Variants in DHX40 observed in about 807,000 individuals in gnomAD.
DHX40 encodes probable ATP-dependent RNA helicase DHX40.
Under a neutral mutation model 89.6 loss-of-function variants are expected in DHX40, and 28 were observed. The observed-to-expected ratio is 0.31, with a 90% CI of 0.23 to 0.43. The LOEUF is 0.43. DHX40 is among the 20% of genes least tolerant of loss of function. The probability of loss-of-function intolerance (pLI) is 1.00; values close to 1 mark genes in which losing one functional copy is unlikely to be tolerated. For missense variants in DHX40, 457 were observed against 844.0 expected, an observed-to-expected ratio of 0.54 and a Z score of 5.68; for synonymous variants, 226 against 283.6, an observed-to-expected ratio of 0.80 and a Z score of 2.04.
intron 14 of DHX40, among the ~76,000 whole-genome samples, chr17:59,600,171 C>T (rs1038824373): frequency 2.0e-5 from 3 of 152,112 alleles, no homozygotes; most frequent in African/African-American, 2.4e-5. Context: ...CCCTCCTGCC[C>T]CACCAACCCA....
intron 15 of DHX40, chr17:59,604,070 T>A (rs554885412): frequency 3.3e-5 from 5 of 152,288 alleles, no homozygotes; most frequent in Admixed American, 2.6e-4. Context: ...TTACATCCTT[T>A]TGCTATAAAG....
At position 59,602,738 on chromosome 17, in the gene DHX40, T is replaced by TTACAGTGACGAGGGAGAGC. The variant is rs939306147; in HGVS notation, c.1901+143_1901+161dup. 123 of 850,520 alleles carry TTACAGTGACGAGGGAGAGC rather than the reference T, an allele frequency of 1.4e-4. 1 individual carries two copies. Among genetic ancestry groups the TTACAGTGACGAGGGAGAGC allele is most frequent in the African/African-American group, 1.4e-3 (82 of 58,288 alleles). The allele number at this position is 850,520 out of a possible 1,614,324, so 52.7% of individuals were successfully genotyped here. A position where few individuals can be genotyped will look rare whatever the true frequency, so the allele number is the denominator to read the frequency against. On this transcript the variant is annotated intron_variant, in intron 15 of 17. Coordinates refer to ENST00000251241, the MANE Select transcript of DHX40 (RefSeq NM_024612.5). ...AGCTCTGTGATGATTATGACATGAA[T>TTACAGTGACGAGGGAGAGC]TACAGTGACGAGGGAGAGCTACAGT...
At chr17:59,581,157 A>C (rs892630514) in intron 10 of DHX40, among the ~76,000 whole-genome samples, 1 of 146,680 alleles carries the variant, frequency 6.8e-6, no homozygotes, top group Non-Finnish European at 1.5e-5. Context: ...GCATCATACT[A>C]TATACCATGA....
At chr17:59,566,583 A>C in intron 1 of DHX40, 44 bp from the exon 2 acceptor site, 1 of 1,523,354 alleles carries the variant, frequency 6.6e-7, no homozygotes, top group African/African-American at 1.4e-5. Context: ...AGTCAGAGAT[A>C]TCTTTACAAG....
At position 59,565,615 on chromosome 17, in the gene DHX40, T is replaced by A. The variant is rs568736245; in HGVS notation, c.-57T>A. 1.3e-6 allele frequency: 2 copies of A among 1,500,726 alleles called. No homozygotes were observed. Among genetic ancestry groups the A allele is most frequent in the Admixed American group, 1.9e-5 (1 of 52,944 alleles). The allele number at this position is 1,500,726 out of a possible 1,614,324, so 93.0% of individuals were successfully genotyped here. On this transcript the variant is annotated 5_prime_UTR_variant, in exon 1 of 18. Transcript: ENST00000251241. ...CGTCATCAGGGCGCGTCCTCGTCTT[T>A]CCCCTCCCATCTCCTCAGATCGGTG...
rs1214929657 is a variant in DHX40, at chr17:59,595,312, A to T, written c.1583-3425A>T. On this transcript the variant is annotated intron_variant, in intron 12 of 17. Coordinates refer to ENST00000251241, the MANE Select transcript of DHX40 (RefSeq NM_024612.5). The stretch of plus-strand genomic sequence containing the variant: ...TGGTCAGGCTGGTCTCGAACTCCCA[A>T]CCTCAGGTGATCCTCCTGCCTCGGC... Among the ~76,000 whole-genome samples the T allele has an allele frequency of 5.3e-5, 8 of 151,600 alleles. No individual in the cohort carries two copies. The East Asian group carries it at 1.6e-3, about 29-fold the overall frequency.
At chr17:59,570,373 C>G (rs2143207680) in intron 2 of DHX40, 145 bp from the exon 3 acceptor site, 2 of 508,648 alleles carry the variant, frequency 3.9e-6, no homozygotes, top group Non-Finnish European at 6.1e-6. Flanking sequence ...TTCCATGATG[C>G]AAACATAGCA....
In DHX40 at chr17:59,602,526, G is replaced by A; in HGVS notation, c.1811G>A (p.Ser604Asn). Residue 604 changes from serine (S) to asparagine (N), a missense_variant, in exon 15 of 18, where the codon AGT becomes AAT. Physicochemically the swap from Ser to Asn is conservative, Grantham distance 46 (BLOSUM62 1). Coordinates refer to ENST00000251241, the MANE Select transcript of DHX40 (RefSeq NM_024612.5). The part of the protein sequence containing the change: ...RELIRKLKQQ[S>N]DFPKETFEGP... ...CTCTACATATTCTTTTTATAGCAAA[G>A]TGATTTCCCAAAAGAGACCTTTGAA... The A allele has an allele frequency of 6.2e-7, 1 of 1,611,614 alleles. No individual in the cohort carries two copies. Among genetic ancestry groups the A allele is most frequent in the Non-Finnish European group, 8.5e-7 (1 of 1,178,412 alleles).
Position 59,605,129 on chromosome 17 carries a change from C to T in DHX40, c.1916C>T (p.Thr639Met), listed in dbSNP as rs1049932971. 6 of 1,613,836 alleles carry T rather than the reference C, an allele frequency of 3.7e-6. No individual in the cohort carries two copies. Among genetic ancestry groups the T allele is most frequent in the Non-Finnish European group, 5.1e-6 (6 of 1,179,966 alleles). ...KNVARRSVGR[T>M]FCTMDGRGSP... is the part of the protein sequence containing the mutation. Reference sequence around the variant, plus strand: ...TCTGTTTATAGATCTGTTGGGAGAACGTTTTGCACAATGGATGGTCGTGGA... The same window carrying T: ...TCTGTTTATAGATCTGTTGGGAGAATGTTTTGCACAATGGATGGTCGTGGA... The change falls in exon 16 of 18, where the codon ACG (threonine) becomes ATG (methionine). Residue 639 changes from threonine (T) to methionine (M), a missense_variant. Coordinates refer to ENST00000251241, the MANE Select transcript of DHX40 (RefSeq NM_024612.5).
intron 14 of DHX40, among the ~76,000 whole-genome samples, chr17:59,599,951 G>A (rs1365968908): frequency 2.0e-5 from 3 of 150,568 alleles, no homozygotes; most frequent in Admixed American, 6.6e-5. Flanking sequence ...AGCCTCCCAA[G>A]TAGCTGGGAT....
chr17:59,573,361 G>A, intron 4 of DHX40, 126 bp downstream of exon 4: 1 of 798,698 alleles, frequency 1.3e-6, no homozygotes, highest in African/African-American at 1.8e-5. Flanking sequence ...ATGGAGTCTT[G>A]CTCCATCACC....
chr17:59,576,352 T>C (rs1288853793), intron 7 of DHX40, among the ~76,000 whole-genome samples: 2 of 151,156 alleles, frequency 1.3e-5, no homozygotes, highest in Non-Finnish European at 2.9e-5. Flanking sequence ...AGAATTTGTT[T>C]TATAAAACTT....
chr17:59,604,396 G>A (rs2030718215), intron 15 of DHX40: 1 of 152,172 alleles, frequency 6.6e-6, no homozygotes, highest in South Asian at 2.1e-4. Context: ...ACTAAAAATA[G>A]AAAAGTAGAG....
chr17:59,576,719 GA>G (rs1259439986), intron 7 of DHX40, among the ~76,000 whole-genome samples: 2 of 152,142 alleles, frequency 1.3e-5, no homozygotes, highest in East Asian at 1.9e-4. Flanking sequence ...AATTTACATT[GA>G]AACTGATAAA....
intron 3 of DHX40, among the ~76,000 whole-genome samples, chr17:59,572,374 G>A (rs897557385): frequency 1.3e-5 from 2 of 151,954 alleles, no homozygotes; most frequent in Non-Finnish European, 2.9e-5. Context: ...TTTAATGCTT[G>A]TTGAGTAACA....
intron 2 of DHX40, among the ~76,000 whole-genome samples, chr17:59,567,130 C>T (rs1387893952): frequency 6.6e-6 from 1 of 152,216 alleles, no homozygotes; most frequent in Non-Finnish European, 1.5e-5. Context: ...TATGTGATAT[C>T]TGTTGCTGCC....
chr17:59,569,321 C>T (rs1457943067), intron 2 of DHX40, among the ~76,000 whole-genome samples: 1 of 144,900 alleles, frequency 6.9e-6, no homozygotes, highest in Non-Finnish European at 1.5e-5. Flanking sequence ...GAGCAAGACT[C>T]TATCTCAAAA....
At chr17:59,603,468 T>C (rs2030660663) in intron 15 of DHX40, 1 of 152,136 alleles carries the variant, frequency 6.6e-6, no homozygotes, top group African/African-American at 2.4e-5. Context: ...GAATATCTTA[T>C]TTTGCCAGCA....
intron 10 of DHX40, among the ~76,000 whole-genome samples, chr17:59,581,202 A>G (rs1393505529): frequency 7.3e-6 from 1 of 136,240 alleles, no homozygotes; most frequent in East Asian, 2.2e-4. Flanking sequence ...TTTTGCTTTC[A>G]CTAAGCTTAA....
Sources: allele counts gnomAD v4.1 joint callset (sites outside exome capture counted in the v4.1 genomes callset), GRCh38; gene constraint gnomAD v4.1.1; transcripts MANE v1.5; gene names NCBI Gene and HGNC (gene_info 2026-07-23, HGNC 2026-07-21).